The following CCSER1 variants were observed in gnomAD, a reference collection of about 807,000 sequenced individuals.
CCSER1 encodes the protein serine-rich coiled-coil domain-containing protein 1.
In CCSER1, 41 loss-of-function variants were observed where a neutral mutation model predicts 82.0. The ratio of observed to expected loss-of-function variants is 0.50; its 90% CI spans 0.39 to 0.65. The LOEUF (loss-of-function observed/expected upper bound fraction) is 0.65, where lower values mean the gene tolerates loss of function less well. Ranked by LOEUF, CCSER1 falls within the 30% of genes least tolerant of loss-of-function variation. The pLI is 0.00. For synonymous variants in CCSER1, 414 were observed against 383.9 expected (o/e 1.08, Z -0.92); for missense variants, 1,119 against 1,064.2 (o/e 1.05, Z -0.72).
intron 9 of CCSER1, among the ~76,000 whole-genome samples, chr4:90,944,579 C>T (rs1732009408): frequency 6.6e-6 from 1 of 152,190 alleles, no homozygotes; most frequent in Admixed American, 6.5e-5. Context: ...TTACCTCACA[C>T]AGCAGAGAGA....
chr4:91,246,215 A>G (rs1739762039), intron 10 of CCSER1, among the ~76,000 whole-genome samples: 1 of 152,226 alleles, frequency 6.6e-6, no homozygotes, highest in East Asian at 1.9e-4. Flanking sequence ...GTTAAAAAGC[A>G]GGGTGACAAA....
chr4:90,841,300 C>A (rs960011405), intron 8 of CCSER1, among the ~76,000 whole-genome samples: 1 of 151,982 alleles, frequency 6.6e-6, no homozygotes, highest in Non-Finnish European at 1.5e-5. Flanking sequence ...AATATTTGGC[C>A]AGGCACAGTG....
intron 4 of CCSER1, among the ~76,000 whole-genome samples, chr4:90,431,009 G>A (rs1365591380): frequency 6.6e-6 from 1 of 151,912 alleles, no homozygotes; most frequent in Non-Finnish European, 1.5e-5. Context: ...AAGGTAAATG[G>A]ATGGCCTGTT....
At chr4:90,868,430 C>G (rs1222165493) in intron 8 of CCSER1, among the ~76,000 whole-genome samples, 1 of 152,026 alleles carries the variant, frequency 6.6e-6, no homozygotes, top group Non-Finnish European at 1.5e-5. Flanking sequence ...GTAGCTCTCA[C>G]AAATAGGTGG....
At chr4:90,180,119 G>GTT (rs1041844348) in intron 1 of CCSER1, among the ~76,000 whole-genome samples, 4 of 94,282 alleles carry the variant, frequency 4.2e-5, no homozygotes, top group African/African-American at 1.7e-4. Context: ...TGCTTATGTA[G>GTT]TTATATATAT....
chr4:90,224,041 A>G (rs973844640), intron 1 of CCSER1, among the ~76,000 whole-genome samples: 1 of 152,306 alleles, frequency 6.6e-6, no homozygotes, highest in South Asian at 2.1e-4. Flanking sequence ...GTAAGTGCAT[A>G]TTGCCCTAGT....
intron 10 of CCSER1, among the ~76,000 whole-genome samples, chr4:91,435,377 G>C (rs891529270): frequency 7.2e-5 from 11 of 151,860 alleles, no homozygotes; most frequent in African/African-American, 2.4e-4. Context: ...TGAGATCACG[G>C]CTGCAGAGAT....
At chr4:90,327,562 C>T (rs970434468) in intron 3 of CCSER1, among the ~76,000 whole-genome samples, 3 of 152,184 alleles carry the variant, frequency 2.0e-5, no homozygotes, top group African/African-American at 4.8e-5. Context: ...GGCAAACAGT[C>T]GTGACACTTG....
intron 10 of CCSER1, among the ~76,000 whole-genome samples, chr4:91,296,989 G>A (rs1422279039): frequency 2.6e-5 from 4 of 151,594 alleles, no homozygotes; most frequent in African/African-American, 7.3e-5. Flanking sequence ...AAAAAAAACA[G>A]GACAAGATAT....
rs771352507 is a variant in CCSER1 at position 91,554,346 on chromosome 4, G to A, written c.2218-44226G>A. Among the ~76,000 whole-genome samples, 3 of 151,156 alleles carry A rather than the reference G, an allele frequency of 2.0e-5. No individual in the cohort carries two copies. The East Asian group carries it at 5.8e-4, about 29-fold the overall frequency. ...TGCTCACTACAGGCTTGAAAAGAATGTATTTTCTGCTGCTGTTGTATGGAA... is the reference window on the plus strand; with the variant it reads ...TGCTCACTACAGGCTTGAAAAGAATATATTTTCTGCTGCTGTTGTATGGAA... On this transcript the variant is annotated intron_variant, in intron 10 of 10. Coordinates refer to ENST00000509176, the MANE Select transcript of CCSER1 (RefSeq NM_001145065.2).
chr4:90,181,785 G>C (rs1733776453), intron 1 of CCSER1, among the ~76,000 whole-genome samples: 1 of 152,154 alleles, frequency 6.6e-6, no homozygotes, highest in South Asian at 2.1e-4. Flanking sequence ...AAATATTCTG[G>C]GCTGGTAGAG....
intron 9 of CCSER1, among the ~76,000 whole-genome samples, chr4:91,076,693 C>G (rs1722031436): frequency 6.6e-6 from 1 of 152,058 alleles, no homozygotes; most frequent in Non-Finnish European, 1.5e-5. Context: ...ATCTGTAAGT[C>G]TTGTCTTCCA....
intron 5 of CCSER1, among the ~76,000 whole-genome samples, chr4:90,577,882 C>T (rs1452326216): frequency 6.6e-6 from 1 of 151,954 alleles, no homozygotes; most frequent in African/African-American, 2.4e-5. Flanking sequence ...TAATGATCTA[C>T]CAGTTGCTCT....
rs184983303 is a variant in CCSER1, at chr4:91,404,129, G to T, written c.2218-194443G>T. ...TTCTTCCTGGTTTAATCTTGGGAGG[G>T]TGTATGTGTCCAGGAATGTATCCAT... is the stretch of plus-strand genomic sequence containing the variant. On this transcript the variant is annotated intron_variant, in intron 10 of 10. Transcript: ENST00000509176. Among the ~76,000 whole-genome samples the T allele has an allele frequency of 1.4e-4, 21 of 152,218 alleles. No homozygotes were observed. In the East Asian group the frequency reaches 3.9e-3, roughly 28 times the overall value.
At chr4:90,883,255 A>G (rs926812387) in intron 8 of CCSER1, among the ~76,000 whole-genome samples, 7 of 152,248 alleles carry the variant, frequency 4.6e-5, no homozygotes, top group Admixed American at 1.3e-4. Flanking sequence ...GGTTGTTTCC[A>G]TAGACCTAGT....
chr4:91,187,947 G>T (rs910224934), intron 10 of CCSER1, among the ~76,000 whole-genome samples: 13 of 151,444 alleles, frequency 8.6e-5, no homozygotes, highest in Non-Finnish European at 1.6e-4. Context: ...ATCATGAGAA[G>T]TTTTTTTTTG....
intron 6 of CCSER1, among the ~76,000 whole-genome samples, chr4:90,669,772 A>G (rs1732463906): frequency 1.3e-5 from 2 of 152,130 alleles, no homozygotes; most frequent in Non-Finnish European, 2.9e-5. Context: ...GCTTGTAGAT[A>G]TAAGTTATAT....
intron 4 of CCSER1, among the ~76,000 whole-genome samples, chr4:90,403,392 G>A (rs1289458372): frequency 4.0e-5 from 6 of 150,014 alleles, no homozygotes; most frequent in Admixed American, 6.6e-5. Context: ...CCAGCTACTT[G>A]GGAGGCTGAG....
intron 4 of CCSER1, among the ~76,000 whole-genome samples, chr4:90,451,207 A>T (rs958023730): frequency 2.4e-4 from 37 of 152,168 alleles, no homozygotes; most frequent in African/African-American, 8.9e-4. Context: ...GGGAAGTCCA[A>T]TGTGAGGAAT....
Sources: allele counts gnomAD v4.1 joint callset (sites outside exome capture counted in the v4.1 genomes callset), GRCh38; gene constraint gnomAD v4.1.1; transcripts MANE v1.5; gene names NCBI Gene and HGNC (gene_info 2026-07-23, HGNC 2026-07-21).